The following KATNA1 variants were observed in gnomAD, a reference collection of about 807,000 sequenced individuals.
KATNA1 encodes katanin p60 ATPase-containing subunit A1.
Under a neutral mutation model 62.6 loss-of-function variants are expected in KATNA1, and 42 were observed. That is an observed-to-expected ratio of 0.67 (90% CI 0.52 to 0.87). The LOEUF (loss-of-function observed/expected upper bound fraction) is 0.87. KATNA1 is among the 40% of genes least tolerant of loss of function. KATNA1 has a pLI of 0.00. For synonymous variants in KATNA1, 186 were observed against 201.9 expected (o/e 0.92, Z 0.67); for missense variants, 498 against 612.5 (o/e 0.81, Z 1.97).
chr6:149,622,218 C>T (rs1489364983), intron 4 of KATNA1, among the ~76,000 whole-genome samples: 3 of 151,810 alleles, frequency 2.0e-5, no homozygotes, highest in East Asian at 1.9e-4. Context: ...CTGCAAGCTC[C>T]GCCTCTCGGG....
intron 9 of KATNA1, 67 bp downstream of exon 9, chr6:149,597,440 T>C: frequency 6.3e-7 from 1 of 1,576,104 alleles, no homozygotes; most frequent in Non-Finnish European, 8.6e-7. Flanking sequence ...AATAACAAAT[T>C]TTAAATTCTC....
chr6:149,609,802 C>CAAAAA lies in KATNA1; in HGVS notation c.502-5025_502-5021dup, dbSNP rs1169018343. On this transcript the variant is annotated intron_variant, in intron 4 of 10. Transcript: ENST00000367411. ...TGGGCGACAGAGCTAGACTCCATCTCAAAAAAAAAAAAAATAGGCCAGGTG... is the reference window on the plus strand; with the variant it reads ...TGGGCGACAGAGCTAGACTCCATCTCAAAAAAAAAAAAAAAAAAATAGGCCAGGTG... 2.4e-3 allele frequency among the ~76,000 whole-genome samples: 158 copies of CAAAAA among 64,528 alleles called. 5 individuals carry two copies. The highest frequency in any genetic ancestry group is 9.6e-3 in the African/African-American group (139 of 14,494). The allele number at this position is 64,528 out of a possible 152,430, so 42.3% of individuals were successfully genotyped here.
chr6:149,633,918 T>C (rs1397563963), intron 2 of KATNA1, among the ~76,000 whole-genome samples: 42 of 149,826 alleles, frequency 2.8e-4, no homozygotes, highest in South Asian at 2.1e-4. Context: ...GATCACACCA[T>C]TGCACTCCAG....
rs967957555 is a variant in KATNA1, at chr6:149,622,142, T to G, written c.501+961A>C. Among the ~76,000 whole-genome samples the G allele has an allele frequency of 1.1e-4, 17 of 151,916 alleles. No individual in the cohort carries two copies. The South Asian group carries it at 3.1e-3, about 28-fold the overall frequency. On this transcript the variant is annotated intron_variant, in intron 4 of 10. Transcript: ENST00000367411. ...AACTGTGTTTTTTTTGTTTTTTTTT[T>G]TTTTCCTCAAGACGGAGTCTCGCTC...
At chr6:149,630,399 C>G (rs746260592) in intron 3 of KATNA1, among the ~76,000 whole-genome samples, 1 of 152,124 alleles carries the variant, frequency 6.6e-6, no homozygotes, top group Non-Finnish European at 1.5e-5. Context: ...GAGGCCAAGG[C>G]GAGTGGATCA....
intron 8 of KATNA1, 104 bp downstream of exon 8, chr6:149,598,120 A>T: frequency 7.8e-7 from 1 of 1,288,028 alleles, no homozygotes; most frequent in Non-Finnish European, 1.1e-6. Context: ...AATACCTATT[A>T]AAAGCTTGGG....
At chr6:149,612,542 C>G (rs920111812) in intron 4 of KATNA1, among the ~76,000 whole-genome samples, 1 of 152,082 alleles carries the variant, frequency 6.6e-6, no homozygotes, top group African/African-American at 2.4e-5. Context: ...TAAATCAATT[C>G]TACACAAACT....
In KATNA1 at chr6:149,612,996, C is replaced by T. The variant is rs192734061; in HGVS notation, c.502-8214G>A. Among the ~76,000 whole-genome samples the T allele has an allele frequency of 1.1e-3, 172 of 151,342 alleles. No individual in the cohort carries two copies. In the South Asian group the frequency reaches 0.013, roughly 11 times the overall value. On this transcript the variant is annotated intron_variant, in intron 4 of 10. Coordinates refer to ENST00000367411, the MANE Select transcript of KATNA1 (RefSeq NM_007044.4). ...ATCCACAAAACCATCCTGGCTAACACGGTGAAACCTCATCTCTACTAAAAA... is the reference window on the plus strand; with the variant it reads ...ATCCACAAAACCATCCTGGCTAACATGGTGAAACCTCATCTCTACTAAAAA...
At chr6:149,622,267 G>C (rs968222280) in intron 4 of KATNA1, among the ~76,000 whole-genome samples, 5 of 151,996 alleles carry the variant, frequency 3.3e-5, no homozygotes, top group Non-Finnish European at 5.9e-5. Context: ...TGAGTAGCTG[G>C]GACTACAGGC....
At chr6:149,647,786 T>G (rs1285508168) in intron 1 of KATNA1, among the ~76,000 whole-genome samples, 1 of 152,196 alleles carries the variant, frequency 6.6e-6, no homozygotes, top group Non-Finnish European at 1.5e-5. Context: ...AGCATCACTG[T>G]GCTGTTGGAA....
chr6:149,595,353 T>C (rs1463164637), intron 10 of KATNA1, 119 bp from the exon 11 acceptor site: 4 of 653,692 alleles, frequency 6.1e-6, no homozygotes, highest in Non-Finnish European at 1.0e-5. Flanking sequence ...ATATTACATA[T>C]ATATGTAGTA....
At chr6:149,637,630 C>T (rs1336827289) in intron 2 of KATNA1, among the ~76,000 whole-genome samples, 2 of 152,024 alleles carry the variant, frequency 1.3e-5, no homozygotes, top group Admixed American at 1.3e-4. Flanking sequence ...AGTTCAACAC[C>T]AGCCTGGCCA....
At chr6:149,598,173 C>G (rs1031846226) in intron 8 of KATNA1, 51 bp downstream of exon 8, 2 of 1,603,404 alleles carry the variant, frequency 1.2e-6, no homozygotes, top group African/African-American at 2.7e-5. Flanking sequence ...ACTGGAGACA[C>G]CACACCTAAC....
Position 149,597,181 on chromosome 6 carries a change from T to C in KATNA1, c.1159A>G (p.Arg387Gly), listed in dbSNP as rs1778356956. The change falls in exon 10 of 11, where the codon AGG becomes GGG. Residue 387 changes from arginine (R) to glycine (G), a missense_variant. By Grantham distance (125) the Arg-to-Gly change is moderately radical. Around this residue, in one of 3 missense-constraint regions of KATNA1, gnomAD observed 267 missense variants for 372.6 expected, o/e 0.72. Coordinates refer to ENST00000367411, the MANE Select transcript of KATNA1 (RefSeq NM_007044.4). Reference protein sequence around the residue: ...IYIPLPSAKGREELLRISLRE... With the variant: ...IYIPLPSAKGGEELLRISLRE... ...AGACTTATTCGTAATAGCTCCTCCCTGCCTTTTGCTAATGGTAGAAACAAA... is the reference window on the plus strand; with the variant it reads ...AGACTTATTCGTAATAGCTCCTCCCCGCCTTTTGCTAATGGTAGAAACAAA... 1 of 1,613,278 alleles carries C rather than the reference T, an allele frequency of 6.2e-7. No individual in the cohort carries two copies. Among genetic ancestry groups the C allele is most frequent in the African/African-American group, 1.3e-5 (1 of 74,854 alleles).
intron 2 of KATNA1, among the ~76,000 whole-genome samples, chr6:149,634,144 G>A (rs932521811): frequency 2.7e-5 from 4 of 150,818 alleles, no homozygotes; most frequent in Non-Finnish European, 5.9e-5. Flanking sequence ...GTGGTGGCGG[G>A]CACCTGGAAT....
intron 4 of KATNA1, among the ~76,000 whole-genome samples, chr6:149,620,289 G>A (rs558420950): frequency 6.6e-5 from 10 of 152,202 alleles, no homozygotes; most frequent in African/African-American, 2.2e-4. Context: ...TAGGGTGACT[G>A]TAATGACTAT....
chr6:149,595,663 A>C (rs1778277709), intron 10 of KATNA1, among the ~76,000 whole-genome samples: 1 of 149,318 alleles, frequency 6.7e-6, no homozygotes, highest in African/African-American at 2.4e-5. Flanking sequence ...ATTTGTGTTA[A>C]AAAAAAAAAA....
intron 4 of KATNA1, among the ~76,000 whole-genome samples, chr6:149,609,587 G>A (rs1022573940): frequency 2.0e-5 from 3 of 150,674 alleles, no homozygotes; most frequent in African/African-American, 2.4e-5. Flanking sequence ...GGTGGGTCAC[G>A]AAGTCAGGAG....
At chr6:149,611,924 C>G (rs974878100) in intron 4 of KATNA1, among the ~76,000 whole-genome samples, 22 of 152,068 alleles carry the variant, frequency 1.4e-4, no homozygotes, top group Admixed American at 1.2e-3. Flanking sequence ...GGTGTGAACC[C>G]AGGAGGCGGA....
Sources: allele counts gnomAD v4.1 joint callset (sites outside exome capture counted in the v4.1 genomes callset), GRCh38; gene constraint gnomAD v4.1.1; regional missense constraint gnomAD v4.1.1; transcripts MANE v1.5; gene names NCBI Gene and HGNC (gene_info 2026-07-23, HGNC 2026-07-21).